Variants in DLGAP2 observed in about 807,000 individuals in gnomAD.
DLGAP2 encodes DLG associated protein 2, also known as disks large-associated protein 2.
A neutral mutation model predicts 100.3 loss-of-function variants in DLGAP2; 26 were observed. The ratio of observed to expected loss-of-function variants is 0.26; its 90% confidence interval spans 0.19 to 0.36. The LOEUF is 0.36. Ranked by LOEUF, DLGAP2 falls within the 10% of genes least tolerant of loss-of-function variation. The probability of loss-of-function intolerance (pLI) is 1.00; values close to 1 mark genes in which losing one functional copy is unlikely to be tolerated. For synonymous variants in DLGAP2, 886 were observed against 630.1 expected, an observed-to-expected ratio of 1.41 and a Z score of -6.08; for missense variants, 1,858 against 1,453.2, an observed-to-expected ratio of 1.28 and a Z score of -4.53.
intron 3 of DLGAP2, among the ~76,000 whole-genome samples, chr8:1,420,582 A>T (rs1797063276): frequency 6.6e-6 from 1 of 152,164 alleles, no homozygotes; most frequent in South Asian, 2.1e-4. Flanking sequence ...TAAAAATATG[A>T]TCTTCTATGT....
intron 1 of DLGAP2, among the ~76,000 whole-genome samples, chr8:757,820 C>G (rs1212753854): frequency 1.3e-5 from 2 of 152,208 alleles, no homozygotes; most frequent in Admixed American, 1.3e-4. Flanking sequence ...ACTGTGTAAT[C>G]AAAGACTGAG....
Position 1,246,411 on chromosome 8 carries a change from C to G in DLGAP2, c.74-12440C>G, listed in dbSNP as rs544926229. ...GGCATCCTTCCCTCAACCAGGGCCT[C>G]CTGCCATCCGCGGCTGCTGAGAGCA... On this transcript the variant is annotated intron_variant, in intron 2 of 14. Coordinates refer to ENST00000637795, the MANE Select transcript of DLGAP2 (RefSeq NM_001346810.2). Among the ~76,000 whole-genome samples, 49 of 152,350 alleles carry G rather than the reference C, an allele frequency of 3.2e-4. 1 individual carries two copies. The highest frequency in any genetic ancestry group is 1.1e-3 in the African/African-American group (47 of 41,592).
intron 12 of DLGAP2, among the ~76,000 whole-genome samples, chr8:1,686,555 T>A (rs925951547): frequency 6.6e-6 from 1 of 151,856 alleles, no homozygotes; most frequent in Non-Finnish European, 1.5e-5. Flanking sequence ...GTAATCCCAA[T>A]CCCAGCTACT....
chr8:1,004,410 G>C (rs1563139011), intron 2 of DLGAP2, among the ~76,000 whole-genome samples: 1 of 152,182 alleles, frequency 6.6e-6, no homozygotes, highest in Non-Finnish European at 1.5e-5. Flanking sequence ...ATTATTACCT[G>C]CTGTTTCAAA....
chr8:1,685,538 C>T (rs1252452579), intron 12 of DLGAP2, among the ~76,000 whole-genome samples: 1 of 152,120 alleles, frequency 6.6e-6, no homozygotes, highest in Non-Finnish European at 1.5e-5. Context: ...CTGCTAAGCA[C>T]CTATGAAGAT....
chr8:788,760 C>A (rs1264296344), intron 1 of DLGAP2, among the ~76,000 whole-genome samples: 1 of 152,184 alleles, frequency 6.6e-6, no homozygotes, highest in Non-Finnish European at 1.5e-5. Context: ...CAAAGAAATA[C>A]AGCAGAAGTC....
At chr8:778,369 C>G (rs1821586191) in intron 1 of DLGAP2, among the ~76,000 whole-genome samples, 1 of 152,236 alleles carries the variant, frequency 6.6e-6, no homozygotes, top group South Asian at 2.1e-4. Context: ...CTCCGTCCAG[C>G]TTTGTTCCGT....
At chr8:1,272,137 C>T (rs144463970) in intron 3 of DLGAP2, among the ~76,000 whole-genome samples, 76 of 152,200 alleles carry the variant, frequency 5.0e-4, no homozygotes, top group East Asian at 3.5e-3. Flanking sequence ...CATTATTCTC[C>T]GTTTTCTCAA....
At chr8:1,230,456 A>G (rs994588024) in intron 2 of DLGAP2, among the ~76,000 whole-genome samples, 33 of 152,316 alleles carry the variant, frequency 2.2e-4, no homozygotes, top group East Asian at 3.9e-4. Context: ...TACAGATTCA[A>G]TGCTATTCCT....
chr8:1,359,624 G>A (rs953600721), intron 3 of DLGAP2, among the ~76,000 whole-genome samples: 8 of 152,336 alleles, frequency 5.3e-5, no homozygotes, highest in Admixed American at 2.0e-4. Context: ...TGATGCTGTC[G>A]GCGGCTGTCC....
intron 9 of DLGAP2, among the ~76,000 whole-genome samples, chr8:1,669,353 C>G (rs981076070): frequency 1.3e-5 from 2 of 152,246 alleles, no homozygotes; most frequent in African/African-American, 4.8e-5. Flanking sequence ...CCTGCCCACG[C>G]TGCACCTCCC....
At chr8:1,300,958 G>A (rs1800322555) in intron 3 of DLGAP2, 1 of 152,274 alleles carries the variant, frequency 6.6e-6, no homozygotes, top group South Asian at 2.1e-4. Flanking sequence ...GTGGCTCGGT[G>A]TCCACTCTGT....
intron 6 of DLGAP2, among the ~76,000 whole-genome samples, chr8:1,585,175 ACTC>A (rs1312254533): frequency 1.3e-5 from 2 of 151,856 alleles, no homozygotes; most frequent in Non-Finnish European, 2.9e-5. Context: ...GTTCATTAAT[ACTC>A]CTGGCTGTGA....
chr8:904,334 A>G (rs558915508), intron 1 of DLGAP2, among the ~76,000 whole-genome samples: 14 of 152,308 alleles, frequency 9.2e-5, no homozygotes, highest in Non-Finnish European at 1.8e-4. Flanking sequence ...AGCTTGGCCA[A>G]TGTGGCAAAA....
chr8:1,520,879 GC>G (rs1800572144), intron 4 of DLGAP2, among the ~76,000 whole-genome samples: 1 of 152,200 alleles, frequency 6.6e-6, no homozygotes, highest in Admixed American at 6.5e-5. Context: ...ATACCTGGGG[GC>G]GTGATTGCTG....
chr8:1,051,087 T>G (rs113838611), intron 2 of DLGAP2, among the ~76,000 whole-genome samples: 17 of 116,356 alleles, frequency 1.5e-4, no homozygotes, highest in Admixed American at 3.7e-4. Context: ...GGGGTCTTTT[T>G]GTGGGCAGGG....
intron 8 of DLGAP2, among the ~76,000 whole-genome samples, chr8:1,652,370 C>G (rs1425603634): frequency 6.6e-6 from 1 of 152,148 alleles, no homozygotes; most frequent in African/African-American, 2.4e-5. Flanking sequence ...TTCCTCGCTG[C>G]TGAATTCCCG....
intron 3 of DLGAP2, among the ~76,000 whole-genome samples, chr8:1,287,719 G>T (rs1799972175): frequency 2.1e-4 from 2 of 9,468 alleles, no homozygotes; most frequent in African/African-American, 9.8e-4. Flanking sequence ...GTGTGTGTGT[G>T]TATGTGTGTG....
chr8:885,937 C>T (rs1189266738), intron 1 of DLGAP2, among the ~76,000 whole-genome samples: 1 of 152,168 alleles, frequency 6.6e-6, no homozygotes, highest in Non-Finnish European at 1.5e-5. Context: ...GGAGGAGTCC[C>T]TCCTTTTCAA....
Sources: allele counts gnomAD v4.1 joint callset (sites outside exome capture counted in the v4.1 genomes callset), GRCh38; gene constraint gnomAD v4.1.1; transcripts MANE v1.5; gene names NCBI Gene and HGNC (gene_info 2026-07-23, HGNC 2026-07-21).